Variants in CHDH observed in about 807,000 individuals in gnomAD.
CHDH encodes the protein choline dehydrogenase, mitochondrial.
In CHDH, 43 loss-of-function variants were observed where a neutral mutation model predicts 56.9. The observed-to-expected ratio is 0.76, with a 90% CI of 0.59 to 0.97. The LOEUF (loss-of-function observed/expected upper bound fraction) is 0.97. CHDH is among the 50% of genes least tolerant of loss of function. CHDH has a pLI of 0.00. For synonymous variants in CHDH, 364 were observed against 348.5 expected, an observed-to-expected ratio of 1.04 and a Z score of -0.50; for missense variants, 816 against 821.1, an observed-to-expected ratio of 0.99 and a Z score of 0.08.
intron 8 of CHDH, 26 bp downstream of exon 8, chr3:53,818,890 AAGGCATTCGTTTGTTCAAGCCC>A: frequency 8.7e-7 from 1 of 1,153,622 alleles, no homozygotes; most frequent in South Asian, 1.2e-5. Context: ...GAACCCCACA[AAGGCATTCGTTTGTTCAAGCCC>A]AGGAAGACAC....
Position 53,819,525 on chromosome 3 carries a change from T to G in CHDH, c.1263+7A>C. 1 of 1,602,148 alleles carries G rather than the reference T, an allele frequency of 6.2e-7. No homozygotes were observed. The highest frequency in any genetic ancestry group is 1.1e-5 in the South Asian group (1 of 89,278). On this transcript the variant is annotated splice_region_variant and intron_variant, in intron 7 of 8. Coordinates refer to ENST00000315251, the MANE Select transcript of CHDH (RefSeq NM_018397.5). This position sits in a 1 kb window ranked among gnomAD's most constrained non-coding sequence, Gnocchi z 5.4. ...CCTGGGAAGCCGAGGCTCTTCCACC[T>G]GCTCACCTGGTAAGCCTCCTGCTGG... is the stretch of plus-strand genomic sequence containing the variant.
At chr3:53,831,129 G>T (rs973248007) in intron 2 of CHDH, among the ~76,000 whole-genome samples, 7 of 152,232 alleles carry the variant, frequency 4.6e-5, no homozygotes, top group Admixed American at 2.0e-4. Context: ...TGGTATCCTG[G>T]CAGTCCTCCC....
rs1270541979 is a variant in CHDH at position 53,813,158 on chromosome 3, T to TAACA, written c.*4615_*4618dup. The TAACA allele has an allele frequency of 5.2e-5, 6 of 114,700 alleles. No individual in the cohort carries two copies. Among genetic ancestry groups the TAACA allele is most frequent in the African/African-American group, 1.3e-4 (4 of 31,508 alleles). The allele number at this position is 114,700 out of a possible 1,614,324, so 7.1% of individuals were successfully genotyped here. A position where few individuals can be genotyped will look rare whatever the true frequency, so the allele number is the denominator to read the frequency against. ...TTTTTTTTTTTTTTTTTTTTGTAAA[T>TAACA]AACAAACACCACTTTGTTATGAAGA... On this transcript the variant is annotated 3_prime_UTR_variant, in exon 9 of 9. Coordinates refer to ENST00000315251, the MANE Select transcript of CHDH (RefSeq NM_018397.5).
At chr3:53,835,696 C>T (rs1045635270) in intron 2 of CHDH, among the ~76,000 whole-genome samples, 1 of 152,184 alleles carries the variant, frequency 6.6e-6, no homozygotes, top group African/African-American at 2.4e-5. Flanking sequence ...TTTATCTGAT[C>T]ATACAGCTCC....
At chr3:53,840,481 C>T (rs1698636367) in intron 2 of CHDH, among the ~76,000 whole-genome samples, 1 of 151,708 alleles carries the variant, frequency 6.6e-6, no homozygotes, top group Non-Finnish European at 1.5e-5. Context: ...GAGCTATGAT[C>T]TTGCCACTGT....
chr3:53,831,342 C>T (rs556048488), intron 2 of CHDH, among the ~76,000 whole-genome samples: 1 of 152,246 alleles, frequency 6.6e-6, no homozygotes, highest in South Asian at 2.1e-4. Flanking sequence ...ACTTGCCGCC[C>T]CAAAGGGAAG....
chr3:53,820,416 AAGGAGGTCTCAATGCTTAT>A, intron 6 of CHDH, 39 bp downstream of exon 6: 1 of 1,552,982 alleles, frequency 6.4e-7, no homozygotes, highest in South Asian at 1.3e-5. Context: ...GCTCCTCAGG[AAGGAGGTCTCAATGCTTAT>A]AGGCAGTCTC....
chr3:53,829,194 A>G (rs1259785379), intron 2 of CHDH, among the ~76,000 whole-genome samples: 1 of 152,200 alleles, frequency 6.6e-6, no homozygotes, highest in East Asian at 1.9e-4. Flanking sequence ...ATCCTGAAAA[A>G]GGCAAAACTA....
Position 53,812,638 on chromosome 3 carries a change from C to A in CHDH, c.*5139G>T, listed in dbSNP as rs1219647822. ...GAGCAGGTCCAGCTGGCTGCTCTGC[C>A]CCTTGGGTATCCATAGTTACGGTTT... is the stretch of plus-strand genomic sequence containing the variant. On this transcript the variant is annotated 3_prime_UTR_variant, in exon 9 of 9. Coordinates refer to ENST00000315251, the MANE Select transcript of CHDH (RefSeq NM_018397.5). 1.3e-5 allele frequency: 2 copies of A among 152,138 alleles called. No individual in the cohort carries two copies. The highest frequency in any genetic ancestry group is 1.3e-4 in the Admixed American group (2 of 15,280). The allele number at this position is 152,138 out of a possible 1,614,324, so 9.4% of individuals were successfully genotyped here.
intron 2 of CHDH, among the ~76,000 whole-genome samples, chr3:53,830,597 C>A (rs568368928): frequency 6.6e-6 from 1 of 152,044 alleles, no homozygotes; most frequent in Non-Finnish European, 1.5e-5. Context: ...AGAAGCTAGA[C>A]AGAAGATCAG....
chr3:53,823,482 C>T lies in CHDH; in HGVS notation c.527G>A (p.Gly176Asp). ...ATCGGCGCCCCGGTACCGGCTGGCG[C>T]CCAGCTCGTGGCCCTGCGCCTTGCG... is the stretch of plus-strand genomic sequence containing the variant. The part of the protein sequence containing the change: ...YFRKAQGHEL[G>D]ASRYRGADGP... Residue 176 changes from glycine to aspartate, a missense_variant, in exon 3 of 9, where the codon GGC (glycine) becomes GAC (aspartate). Coordinates refer to ENST00000315251, the MANE Select transcript of CHDH (RefSeq NM_018397.5). 1 of 1,546,438 alleles carries T rather than the reference C, an allele frequency of 6.5e-7. No homozygotes were observed. Among genetic ancestry groups the T allele is most frequent in the Non-Finnish European group, 8.7e-7 (1 of 1,146,706 alleles).
At chr3:53,818,697 G>T (rs1041406829) in intron 8 of CHDH, among the ~76,000 whole-genome samples, 1 of 152,210 alleles carries the variant, frequency 6.6e-6, no homozygotes, top group African/African-American at 2.4e-5. Context: ...ATGGCAGATT[G>T]TTCTGAAAGC....
chr3:53,839,159 C>T (rs570384427), intron 2 of CHDH, among the ~76,000 whole-genome samples: 4 of 152,294 alleles, frequency 2.6e-5, no homozygotes, highest in South Asian at 2.1e-4. Flanking sequence ...ATTAAAAGAC[C>T]GACTTCTCTG....
At chr3:53,845,759 G>A (rs1227929936) in intron 1 of CHDH, among the ~76,000 whole-genome samples, 2 of 152,232 alleles carry the variant, frequency 1.3e-5, no homozygotes, top group Middle Eastern at 3.2e-3. Flanking sequence ...AGTGCTGACG[G>A]CTTCCGCTTT....
chr3:53,813,228 A>C lies in CHDH; in HGVS notation c.*4549T>G, dbSNP rs974842884. ...AGACATTCTTACTCTGATCCAGGCA[A>C]AAACACTTCAAGGTTTGTAAATGAC... is the stretch of plus-strand genomic sequence containing the variant. On this transcript the variant is annotated 3_prime_UTR_variant, in exon 9 of 9. Coordinates refer to ENST00000315251, the MANE Select transcript of CHDH (RefSeq NM_018397.5). 6.6e-6 allele frequency: 1 copy of C among 152,008 alleles called. No individual in the cohort carries two copies. The highest frequency in any genetic ancestry group is 1.9e-4 in the East Asian group (1 of 5,190). The allele number at this position is 152,008 out of a possible 1,614,324, so 9.4% of individuals were successfully genotyped here.
At chr3:53,841,301 T>A (rs1273201412) in intron 1 of CHDH, among the ~76,000 whole-genome samples, 1 of 152,172 alleles carries the variant, frequency 6.6e-6, no homozygotes, top group Non-Finnish European at 1.5e-5. Flanking sequence ...TGGCCACAGA[T>A]GCCAGGACAA....
chr3:53,832,764 T>G (rs1388134356), intron 2 of CHDH, among the ~76,000 whole-genome samples: 1 of 151,992 alleles, frequency 6.6e-6, no homozygotes, highest in East Asian at 1.9e-4. Flanking sequence ...AGATTAGAGG[T>G]TACTAGGAGA....
In CHDH at chr3:53,815,670, A is replaced by T. The variant is rs1372312571; in HGVS notation, c.*2107T>A. On this transcript the variant is annotated 3_prime_UTR_variant, in exon 9 of 9. Coordinates refer to ENST00000315251, the MANE Select transcript of CHDH (RefSeq NM_018397.5). ...CCACCATGGTCTCAGACACTGACAC[A>T]CCCATGGGACACAGAGATGGTAGAA... The T allele has an allele frequency of 6.6e-6, 1 of 152,116 alleles. No homozygotes were observed. The highest frequency in any genetic ancestry group is 1.5e-5 in the Non-Finnish European group (1 of 68,042). 9.4% of individuals were successfully genotyped at this position (152,116 alleles called of 1,614,324 possible). A position where few individuals can be genotyped will look rare whatever the true frequency, so the allele number is the denominator to read the frequency against.
At chr3:53,832,791 A>C (rs1698378488) in intron 2 of CHDH, among the ~76,000 whole-genome samples, 1 of 152,188 alleles carries the variant, frequency 6.6e-6, no homozygotes, top group Non-Finnish European at 1.5e-5. Flanking sequence ...GAAGGGAAAC[A>C]AGGAGTTATT....
Sources: allele counts gnomAD v4.1 joint callset (sites outside exome capture counted in the v4.1 genomes callset), GRCh38; gene constraint gnomAD v4.1.1; non-coding constraint Gnocchi (gnomAD v3.1); transcripts MANE v1.5; gene names NCBI Gene and HGNC (gene_info 2026-07-23, HGNC 2026-07-21).